NEGR1: variants seen among roughly 807,000 people sequenced by gnomAD.
NEGR1 encodes the protein neuronal growth regulator 1.
NEGR1 carries 10 observed loss-of-function variants against 40.9 expected under a neutral mutation model. That is an observed-to-expected ratio of 0.24 (90% CI 0.15 to 0.42). The LOEUF (loss-of-function observed/expected upper bound fraction) is 0.42, where lower values mean the gene tolerates loss of function less well. Ranked by LOEUF, NEGR1 falls within the 10% of genes least tolerant of loss-of-function variation. The pLI is 1.00. For synonymous variants in NEGR1, 185 were observed against 166.8 expected (o/e 1.11, Z -0.84); for missense variants, 352 against 438.9 (o/e 0.80, Z 1.77).
At chr1:71,491,504 G>C (rs894807818) in intron 6 of NEGR1, among the ~76,000 whole-genome samples, 17 of 151,788 alleles carry the variant, frequency 1.1e-4, no homozygotes, top group African/African-American at 3.9e-4. Context: ...TGGATAAAAT[G>C]AAAGTGTTAT....
At chr1:71,694,311 T>C (rs1653400224) in intron 4 of NEGR1, among the ~76,000 whole-genome samples, 1 of 151,510 alleles carries the variant, frequency 6.6e-6, no homozygotes, top group African/African-American at 2.4e-5. Context: ...ATGACCCCTT[T>C]TCATTATTTT....
intron 6 of NEGR1, among the ~76,000 whole-genome samples, chr1:71,464,073 A>G (rs1026798416): frequency 2.6e-5 from 4 of 152,130 alleles, no homozygotes; most frequent in Admixed American, 6.6e-5. Context: ...ATTTAGTGAC[A>G]TCTGCAAAGG....
rs145289913 is a variant in NEGR1 at position 71,413,372 on chromosome 1, G to T, written c.941-5802C>A. Among the ~76,000 whole-genome samples the T allele has an allele frequency of 8.9e-4, 135 of 152,310 alleles. 1 individual carries two copies. The highest frequency in any genetic ancestry group is 3.2e-3 in the African/African-American group (133 of 41,564). On this transcript the variant is annotated intron_variant, in intron 6 of 6. Transcript: ENST00000357731. ...TCCCACAGAGCTTTCTGTTTAACTT[G>T]AGATGCTTTGCATGGAACAAGCATA...
At chr1:71,848,559 C>T (rs781096026) in intron 2 of NEGR1, among the ~76,000 whole-genome samples, 2 of 152,178 alleles carry the variant, frequency 1.3e-5, no homozygotes, top group Non-Finnish European at 2.9e-5. Flanking sequence ...GATGACAGCA[C>T]ATCTGTTTAC....
chr1:72,103,099 C>A (rs1649005177), intron 1 of NEGR1, among the ~76,000 whole-genome samples: 1 of 151,906 alleles, frequency 6.6e-6, no homozygotes, highest in Non-Finnish European at 1.5e-5. Flanking sequence ...TTTAAAAGTA[C>A]TTTTCTATAA....
At chr1:71,507,759 G>T (rs1447322463) in intron 6 of NEGR1, among the ~76,000 whole-genome samples, 2 of 152,116 alleles carry the variant, frequency 1.3e-5, no homozygotes, top group African/African-American at 4.8e-5. Flanking sequence ...TTACCTCAAG[G>T]GTGTTAAGGG....
At chr1:72,156,190 ACT>A (rs1465413028) in intron 1 of NEGR1, among the ~76,000 whole-genome samples, 1 of 151,998 alleles carries the variant, frequency 6.6e-6, no homozygotes, top group South Asian at 2.1e-4. Context: ...ACGTGTTCTG[ACT>A]CTATCTGTTT....
chr1:72,203,112 T>C (rs1653273585), intron 1 of NEGR1, among the ~76,000 whole-genome samples: 1 of 152,042 alleles, frequency 6.6e-6, no homozygotes, highest in South Asian at 2.1e-4. Context: ...GATGAAAGAG[T>C]GATTTTGACA....
intron 6 of NEGR1, among the ~76,000 whole-genome samples, chr1:71,510,004 G>A (rs1404760785): frequency 6.6e-6 from 1 of 152,088 alleles, no homozygotes; most frequent in Admixed American, 6.5e-5. Context: ...GCCCCAGATG[G>A]GACCATCACA....
chr1:72,227,418 T>C (rs1408394315), intron 1 of NEGR1, among the ~76,000 whole-genome samples: 1 of 151,888 alleles, frequency 6.6e-6, no homozygotes, highest in African/African-American at 2.4e-5. Context: ...GCAAGAATGA[T>C]CCATGAAGAA....
intron 6 of NEGR1, among the ~76,000 whole-genome samples, chr1:71,458,389 G>A (rs1380230559): frequency 6.6e-6 from 1 of 152,174 alleles, no homozygotes; most frequent in African/African-American, 2.4e-5. Context: ...CACATCACTT[G>A]TAGGCTCTTT....
chr1:72,221,908 C>T (rs1261311488), intron 1 of NEGR1, among the ~76,000 whole-genome samples: 1 of 152,110 alleles, frequency 6.6e-6, no homozygotes, highest in Non-Finnish European at 1.5e-5. Context: ...TCAGGCTGCT[C>T]CAACATAAAG....
intron 2 of NEGR1, chr1:71,794,520 C>T (rs1315357230): frequency 3.3e-5 from 5 of 151,862 alleles, no homozygotes; most frequent in Admixed American, 2.6e-4. Context: ...ATCAATGGTG[C>T]TAGGCAATTG....
chr1:71,397,585 C>T lies in NEGR1; in HGVS notation c.*9861G>A, dbSNP rs1646220475. ...CAGGTGATCTGCCTGTCTCAGACTC[C>T]CAAAGTGCTGAGATTACAAGCATGA... On this transcript the variant is annotated 3_prime_UTR_variant, in exon 7 of 7. Coordinates refer to ENST00000357731, the MANE Select transcript of NEGR1 (RefSeq NM_173808.3). 6.6e-6 allele frequency: 1 copy of T among 152,170 alleles called. No homozygotes were observed. The highest frequency in any genetic ancestry group is 2.4e-5 in the African/African-American group (1 of 41,430). The allele number at this position is 152,170 out of a possible 1,614,324, so 9.4% of individuals were successfully genotyped here.
At chr1:72,204,258 T>C (rs1653315792) in intron 1 of NEGR1, among the ~76,000 whole-genome samples, 1 of 152,102 alleles carries the variant, frequency 6.6e-6, no homozygotes. Context: ...TGGTTCCTTG[T>C]AATCATCTTT....
chr1:72,096,217 A>G (rs1648690997), intron 1 of NEGR1, among the ~76,000 whole-genome samples: 1 of 152,170 alleles, frequency 6.6e-6, no homozygotes, highest in Non-Finnish European at 1.5e-5. Flanking sequence ...GTCATTTTAA[A>G]TGTTTTTTAA....
At chr1:72,165,366 T>C (rs1651728831) in intron 1 of NEGR1, among the ~76,000 whole-genome samples, 1 of 152,002 alleles carries the variant, frequency 6.6e-6, no homozygotes. Flanking sequence ...CTAATAAAAT[T>C]ATTTCATAAA....
At chr1:71,521,820 T>G (rs1339862550) in intron 6 of NEGR1, among the ~76,000 whole-genome samples, 1 of 151,902 alleles carries the variant, frequency 6.6e-6, no homozygotes, top group Non-Finnish European at 1.5e-5. Flanking sequence ...AAACAACACT[T>G]GAGAGTCTTC....
At chr1:72,001,749 CT>C (rs902996328) in intron 1 of NEGR1, among the ~76,000 whole-genome samples, 1 of 151,300 alleles carries the variant, frequency 6.6e-6, no homozygotes, top group Non-Finnish European at 1.5e-5. Flanking sequence ...TAAGTTAGAA[CT>C]TCAAGGGGTT....
Sources: gnomAD v4.1 joint callset for allele counts (sites outside exome capture counted in the v4.1 genomes callset) on GRCh38, gnomAD v4.1.1 for gene constraint, MANE v1.5 for transcripts, NCBI Gene and HGNC (gene_info 2026-07-23, HGNC 2026-07-21) for gene names.